Variants in CERT1 observed in about 807,000 individuals in gnomAD.
CERT1 encodes the protein ceramide transporter 1.
A neutral mutation model predicts 87.9 loss-of-function variants in CERT1; 31 were observed. That is an observed-to-expected ratio of 0.35 (90% confidence interval 0.27 to 0.48). The LOEUF (loss-of-function observed/expected upper bound fraction) is 0.48. Ranked by LOEUF, CERT1 falls within the 20% of genes least tolerant of loss-of-function variation. CERT1 has a pLI of 0.99. For synonymous variants in CERT1, 289 were observed against 250.9 expected, an observed-to-expected ratio of 1.15 and a Z score of -1.44; for missense variants, 487 against 758.0, an observed-to-expected ratio of 0.64 and a Z score of 4.20.
intron 7 of CERT1, 66 bp from the exon 8 acceptor site, chr5:75,411,169 G>C (rs967027049): frequency 1.2e-6 from 1 of 847,978 alleles, no homozygotes; most frequent in African/African-American, 1.7e-5. Flanking sequence ...AAGTCTTTTA[G>C]GTGGAATTCC....
intron 2 of CERT1, 176 bp downstream of exon 2, chr5:75,505,806 T>C (rs746396434): frequency 6.7e-6 from 3 of 445,972 alleles, no homozygotes; most frequent in Non-Finnish European, 1.2e-5. Flanking sequence ...AAAATAACAA[T>C]ATGTAGTAAA....
intron 3 of CERT1, among the ~76,000 whole-genome samples, chr5:75,439,039 T>C (rs1362129631): frequency 1.3e-5 from 2 of 151,790 alleles, no homozygotes; most frequent in Non-Finnish European, 2.9e-5. Flanking sequence ...CGAAGGTTAC[T>C]ACTGGTCAAA....
At chr5:75,510,928 G>A (rs1460637094) in intron 1 of CERT1, among the ~76,000 whole-genome samples, 184 bp downstream of exon 1, 2 of 151,988 alleles carry the variant, frequency 1.3e-5, no homozygotes, top group Admixed American at 6.6e-5. Flanking sequence ...TGCCCCCGAC[G>A]AGCCCCCGGG....
At chr5:75,409,295 A>T (rs1762836096) in intron 8 of CERT1, among the ~76,000 whole-genome samples, 1 of 152,188 alleles carries the variant, frequency 6.6e-6, no homozygotes, top group African/African-American at 2.4e-5. Flanking sequence ...AGAATAATTT[A>T]AAAATATTAC....
In CERT1 at chr5:75,488,976, T is replaced by A. The variant is rs185559676; in HGVS notation, c.231+17006A>T. On this transcript the variant is annotated intron_variant, in intron 2 of 16. Transcript: ENST00000643780. ...AGCAAAAAGAACAAAGCTGGAGGCA[T>A]CATGCTACCTGACTTCAAACTATAC... 1.4e-3 allele frequency among the ~76,000 whole-genome samples: 215 copies of A among 152,258 alleles called. 1 individual carries two copies. Among genetic ancestry groups the A allele is most frequent in the African/African-American group, 4.3e-3 (179 of 41,544 alleles).
chr5:75,493,785 T>C (rs1317448982), intron 2 of CERT1, among the ~76,000 whole-genome samples: 1 of 152,190 alleles, frequency 6.6e-6, no homozygotes, highest in Admixed American at 6.5e-5. Context: ...GCTCCTACTG[T>C]TCAGATGTTA....
chr5:75,392,921 G>A (rs905763785), intron 11 of CERT1, among the ~76,000 whole-genome samples: 2 of 112,482 alleles, frequency 1.8e-5, no homozygotes, highest in Admixed American at 2.7e-4. Context: ...AGTGAGCCAA[G>A]ATCACGCCAT....
At chr5:75,447,180 T>C (rs1483642521) in intron 3 of CERT1, among the ~76,000 whole-genome samples, 1 of 152,134 alleles carries the variant, frequency 6.6e-6, no homozygotes, top group Non-Finnish European at 1.5e-5. Flanking sequence ...TAACAGCAAT[T>C]TACCACTCAA....
chr5:75,493,700 T>C (rs1420304328), intron 2 of CERT1, among the ~76,000 whole-genome samples: 1 of 152,222 alleles, frequency 6.6e-6, no homozygotes, highest in African/African-American at 2.4e-5. Flanking sequence ...GTAAAACTCT[T>C]GTCCTTTATT....
intron 8 of CERT1, among the ~76,000 whole-genome samples, chr5:75,406,717 G>T (rs1330001232): frequency 6.6e-6 from 1 of 151,888 alleles, no homozygotes; most frequent in African/African-American, 2.4e-5. Flanking sequence ...GCTAATTTTT[G>T]TATTTTTAGT....
chr5:75,507,247 T>C (rs1218737287), intron 1 of CERT1, among the ~76,000 whole-genome samples: 1 of 152,060 alleles, frequency 6.6e-6, no homozygotes, highest in African/African-American at 2.4e-5. Flanking sequence ...GCCTCCCAAG[T>C]GATTGAGACT....
At chr5:75,440,392 G>A (rs1381632665) in intron 3 of CERT1, among the ~76,000 whole-genome samples, 2 of 151,908 alleles carry the variant, frequency 1.3e-5, no homozygotes, top group African/African-American at 2.4e-5. Flanking sequence ...CTCAAATCAC[G>A]CTGAAAATCA....
intron 8 of CERT1, among the ~76,000 whole-genome samples, chr5:75,404,830 G>A (rs1481606495): frequency 2.6e-5 from 4 of 152,212 alleles, no homozygotes; most frequent in South Asian, 2.1e-4. Context: ...CCAACATGAC[G>A]AAAACCTGTC....
At chr5:75,423,792 T>C (rs1253313667) in intron 5 of CERT1, among the ~76,000 whole-genome samples, 3 of 151,986 alleles carry the variant, frequency 2.0e-5, no homozygotes, top group Non-Finnish European at 4.4e-5. Context: ...ACTATAAACC[T>C]TAAAGTAGCC....
intron 17 of CERT1, chr5:75,372,140 T>G (rs192381565): frequency 1.3e-5 from 2 of 152,352 alleles, no homozygotes; most frequent in African/African-American, 2.4e-5. Context: ...AGATATTGCT[T>G]TGTAAACTTG....
intron 3 of CERT1, 67 bp downstream of exon 3, chr5:75,458,998 T>C: frequency 1.2e-6 from 1 of 845,634 alleles, no homozygotes; most frequent in East Asian, 2.4e-5. Flanking sequence ...GTCAACTTTT[T>C]TTTTAAGGTA....
At chr5:75,388,767 AGT>A (rs1398791579) in intron 12 of CERT1, among the ~76,000 whole-genome samples, 1 of 151,358 alleles carries the variant, frequency 6.6e-6, no homozygotes, top group African/African-American at 2.4e-5. Context: ...TGGGACTACA[AGT>A]GTGTGGTACT....
intron 3 of CERT1, among the ~76,000 whole-genome samples, chr5:75,448,012 T>C (rs1160104036): frequency 6.6e-6 from 1 of 152,242 alleles, no homozygotes; most frequent in African/African-American, 2.4e-5. Flanking sequence ...AACATTTATG[T>C]AATACAACAA....
rs1763827473 is a variant in CERT1 at position 75,430,753 on chromosome 5, C to T, written c.349-4275G>A. Among the ~76,000 whole-genome samples the T allele has an allele frequency of 4.6e-5, 7 of 152,066 alleles. 1 individual carries two copies. In the South Asian group the frequency reaches 1.5e-3, roughly 32 times the overall value. On this transcript the variant is annotated intron_variant, in intron 3 of 16. Transcript: ENST00000643780. ...TCAGTTCACAAAAAAAAAAAGAGTTCTTGATTAGGTGCAGTGGCTCACACC... is the reference window on the plus strand; with the variant it reads ...TCAGTTCACAAAAAAAAAAAGAGTTTTTGATTAGGTGCAGTGGCTCACACC...
Sources: gnomAD v4.1 joint callset for allele counts (sites outside exome capture counted in the v4.1 genomes callset) on GRCh38, gnomAD v4.1.1 for gene constraint, MANE v1.5 for transcripts, NCBI Gene and HGNC (gene_info 2026-07-23, HGNC 2026-07-21) for gene names.